The following TBX15 variants were observed in gnomAD, a reference collection of about 807,000 sequenced individuals.
The protein encoded by TBX15 is T-box transcription factor 15.
Under a neutral mutation model 53.9 loss-of-function variants are expected in TBX15, and 18 were observed. The ratio of observed to expected loss-of-function variants is 0.33; its 90% CI spans 0.23 to 0.49. TBX15 has a LOEUF of 0.49. Ranked by LOEUF, TBX15 falls within the 20% of genes least tolerant of loss-of-function variation. The pLI is 0.98. For missense variants in TBX15, 692 were observed against 749.5 expected, an observed-to-expected ratio of 0.92 and a Z score of 0.90; for synonymous variants, 295 against 278.0, an observed-to-expected ratio of 1.06 and a Z score of -0.61.
At chr1:118,941,620 G>A (rs1011972559) in intron 1 of TBX15, among the ~76,000 whole-genome samples, 5 of 152,100 alleles carry the variant, frequency 3.3e-5, no homozygotes, top group Non-Finnish European at 7.4e-5. Context: ...TCATTCATTC[G>A]TTCAGCAAAT....
In TBX15 at chr1:118,912,422, A is replaced by G. The variant is rs538778857; in HGVS notation, c.926+1693T>C. On this transcript the variant is annotated intron_variant, in intron 6 of 7. Transcript: ENST00000369429. ...CTACAATATCTGGAACCCCTGAAAA[A>G]TCTATCCATGTACTTCAAGCTGAAG... 3.0e-4 allele frequency among the ~76,000 whole-genome samples: 45 copies of G among 152,142 alleles called. No homozygotes were observed. The South Asian group carries it at 9.2e-3, about 31-fold the overall frequency.
At chr1:118,936,421 A>T (rs543295260) in intron 1 of TBX15, among the ~76,000 whole-genome samples, 2 of 152,280 alleles carry the variant, frequency 1.3e-5, no homozygotes, top group East Asian at 3.9e-4. Context: ...ACTGCAGTGA[A>T]CAAAGCACAT....
At chr1:118,970,194 T>C (rs1049053667) in intron 1 of TBX15, among the ~76,000 whole-genome samples, 2 of 152,232 alleles carry the variant, frequency 1.3e-5, no homozygotes, top group Non-Finnish European at 2.9e-5. Context: ...TCTTCATAAA[T>C]TACCCAGTCT....
intron 6 of TBX15, among the ~76,000 whole-genome samples, chr1:118,899,819 C>T (rs1429794647): frequency 1.3e-5 from 2 of 152,130 alleles, no homozygotes; most frequent in East Asian, 3.9e-4. Flanking sequence ...TGGTCTTTGG[C>T]CATCACAAAC....
chr1:118,889,151 A>G (rs1053901034), intron 7 of TBX15, among the ~76,000 whole-genome samples: 1 of 152,234 alleles, frequency 6.6e-6, no homozygotes, highest in Non-Finnish European at 1.5e-5. Flanking sequence ...GCTTCCATGC[A>G]CTTTGAAGAA....
intron 1 of TBX15, among the ~76,000 whole-genome samples, chr1:118,980,655 T>G (rs1465709047): frequency 6.6e-6 from 1 of 152,244 alleles, no homozygotes; most frequent in Non-Finnish European, 1.5e-5. Flanking sequence ...TTCCGTTTAC[T>G]TTCTACATGG....
intron 1 of TBX15, among the ~76,000 whole-genome samples, chr1:118,937,586 G>A (rs1437868716): frequency 6.6e-6 from 1 of 152,212 alleles, no homozygotes; most frequent in Non-Finnish European, 1.5e-5. Context: ...TGTGTAAGCT[G>A]ACTGTAGAGT....
chr1:118,960,329 G>T (rs546840173), intron 1 of TBX15, among the ~76,000 whole-genome samples: 1 of 152,182 alleles, frequency 6.6e-6, no homozygotes, highest in African/African-American at 2.4e-5. Flanking sequence ...CTCTAGTTTC[G>T]AGAGCCCCAT....
intron 5 of TBX15, among the ~76,000 whole-genome samples, chr1:118,921,087 G>A (rs1044659651): frequency 3.3e-5 from 5 of 152,082 alleles, no homozygotes; most frequent in African/African-American, 1.2e-4. Context: ...GCTGACACAG[G>A]AGGATGGCTT....
intron 1 of TBX15, among the ~76,000 whole-genome samples, chr1:118,955,897 C>T (rs929488178): frequency 4.6e-5 from 7 of 152,184 alleles, no homozygotes; most frequent in Admixed American, 3.3e-4. Context: ...TAAATGAGCA[C>T]AGAGTTTATC....
intron 1 of TBX15, among the ~76,000 whole-genome samples, chr1:118,980,792 A>G (rs1225511344): frequency 6.6e-6 from 1 of 151,972 alleles, no homozygotes; most frequent in Non-Finnish European, 1.5e-5. Context: ...TTTAAATAGC[A>G]TCTGTACAGT....
At position 118,915,239 on chromosome 1, in the gene TBX15, A is replaced by T. The variant is rs148927599; in HGVS notation, c.862-1060T>A. On this transcript the variant is annotated intron_variant, in intron 5 of 7. Transcript: ENST00000369429. ...TGCAAGGTGATTCTAGAAATAAGGG[A>T]ATCTCATTATTTAAGACCATCTTCA... is the stretch of plus-strand genomic sequence containing the variant. Among the ~76,000 whole-genome samples the T allele has an allele frequency of 4.2e-4, 64 of 152,300 alleles. 2 individuals are homozygous for T. Among genetic ancestry groups the T allele is most frequent in the Middle Eastern group, 6.8e-3 (2 of 294 alleles).
intron 1 of TBX15, among the ~76,000 whole-genome samples, chr1:118,983,421 C>T (rs759813412): frequency 2.0e-5 from 3 of 152,154 alleles, no homozygotes; most frequent in Non-Finnish European, 4.4e-5. Context: ...CCCCGCTGCC[C>T]GGGAACCCAG....
chr1:118,930,282 T>C (rs1354465057), intron 2 of TBX15, among the ~76,000 whole-genome samples: 1 of 152,192 alleles, frequency 6.6e-6, no homozygotes, highest in Non-Finnish European at 1.5e-5. Context: ...CGATTTTTGT[T>C]CCCCATGACA....
intron 5 of TBX15, among the ~76,000 whole-genome samples, chr1:118,920,929 C>A (rs182994706): frequency 1.3e-5 from 2 of 152,162 alleles, no homozygotes; most frequent in Admixed American, 6.5e-5. Context: ...AACCCCAACA[C>A]TTTGGGAGGC....
In TBX15 at chr1:118,926,535, C is replaced by T. The variant is rs185921327; in HGVS notation, c.496G>A (p.Val166Met). The T allele has an allele frequency of 6.2e-7, 1 of 1,613,774 alleles. No homozygotes were observed. Among genetic ancestry groups the T allele is most frequent in the Non-Finnish European group, 8.5e-7 (1 of 1,179,856 alleles). Residue 166 changes from valine (V) to methionine (M), a missense_variant, in exon 3 of 8, where the codon GTG (valine) becomes ATG (methionine). Around this residue, in one of 3 missense-constraint regions of TBX15, gnomAD observed 307 missense variants for 347.5 expected, o/e 0.88. Coordinates refer to ENST00000369429, the MANE Select transcript of TBX15 (RefSeq NM_001330677.2). ...CTGTATCTTTTATTGTCCACAGGCA[C>T]AATGTCCATTGCTATGTAGTACTGC... ...HQQYYIAMDI[V>M]PVDNKRYRYV...
intron 1 of TBX15, among the ~76,000 whole-genome samples, chr1:118,960,247 T>C (rs10923711): frequency 0.19 from 29,359 of 152,016 alleles, 3,368 homozygotes; most frequent in East Asian, 0.5. Context: ...ACTAAGTACA[T>C]CCGCTAGGCT....
chr1:118,896,196 C>G (rs1330967429), intron 7 of TBX15, among the ~76,000 whole-genome samples: 1 of 148,758 alleles, frequency 6.7e-6, no homozygotes, highest in Admixed American at 6.6e-5. Flanking sequence ...CACTGGACAC[C>G]CCTGTACTAG....
At chr1:118,986,250 G>C (rs1472244834) in intron 1 of TBX15, among the ~76,000 whole-genome samples, 1 of 152,158 alleles carries the variant, frequency 6.6e-6, no homozygotes, top group African/African-American at 2.4e-5. Flanking sequence ...AGTAGCCCTG[G>C]GTGCCTTTCT....
Sources: allele counts gnomAD v4.1 joint callset (sites outside exome capture counted in the v4.1 genomes callset), GRCh38; gene constraint gnomAD v4.1.1; regional missense constraint gnomAD v4.1.1; transcripts MANE v1.5; gene names NCBI Gene and HGNC (gene_info 2026-07-23, HGNC 2026-07-21).